Variants in PTPRT observed in about 807,000 individuals in gnomAD.
PTPRT encodes the protein protein tyrosine phosphatase receptor type T.
In PTPRT, 56 loss-of-function variants were observed where a neutral mutation model predicts 176.8. The observed-to-expected ratio is 0.32, with a 90% CI of 0.26 to 0.40. The LOEUF is 0.40. Ranked by LOEUF, PTPRT falls within the 10% of genes least tolerant of loss-of-function variation. The pLI is 1.00. For synonymous variants in PTPRT, 783 were observed against 739.0 expected (o/e 1.06, Z -0.96); for missense variants, 1,540 against 1,908.2 (o/e 0.81, Z 3.60).
At chr20:42,942,181 G>C (rs1275894471) in intron 1 of PTPRT, among the ~76,000 whole-genome samples, 3 of 152,142 alleles carry the variant, frequency 2.0e-5, no homozygotes, top group Non-Finnish European at 2.9e-5. Flanking sequence ...ATATCATGCA[G>C]TATCTGCAGA....
chr20:42,300,317 T>C (rs1600802842), intron 12 of PTPRT, among the ~76,000 whole-genome samples: 1 of 142,996 alleles, frequency 7.0e-6, no homozygotes, highest in East Asian at 2.1e-4. Context: ...GGTAGAGGGA[T>C]ACATAGACAA....
chr20:42,440,397 C>T (rs947344069), intron 9 of PTPRT, among the ~76,000 whole-genome samples: 1 of 152,020 alleles, frequency 6.6e-6, no homozygotes, highest in Non-Finnish European at 1.5e-5. Flanking sequence ...TTATTGAGTA[C>T]ATACTATGTG....
At chr20:42,211,938 C>A (rs373677199) in intron 15 of PTPRT, among the ~76,000 whole-genome samples, 5,523 of 149,168 alleles carry the variant, frequency 0.037, 323 homozygotes, top group African/African-American at 0.13. Context: ...AAAATGTGGC[C>A]CATATACACC....
chr20:42,396,893 C>T (rs2058856321), intron 9 of PTPRT, among the ~76,000 whole-genome samples: 1 of 152,208 alleles, frequency 6.6e-6, no homozygotes, highest in African/African-American at 2.4e-5. Context: ...CTGGAACAGC[C>T]TTCCTCCAGA....
intron 13 of PTPRT, among the ~76,000 whole-genome samples, chr20:42,269,132 T>G (rs912107655): frequency 1.3e-5 from 2 of 152,198 alleles, no homozygotes; most frequent in African/African-American, 4.8e-5. Context: ...ACATCCCCCC[T>G]TAGCTTTGTT....
intron 1 of PTPRT, among the ~76,000 whole-genome samples, chr20:42,999,947 A>G (rs1170525118): frequency 6.6e-6 from 1 of 151,994 alleles, no homozygotes; most frequent in Non-Finnish European, 1.5e-5. Context: ...ACTTCATCCC[A>G]CAATGAGATG....
At position 42,794,319 on chromosome 20, in the gene PTPRT, C is replaced by T. The variant is rs1042598824; in HGVS notation, c.215-2853G>A. On this transcript the variant is annotated intron_variant, in intron 2 of 30. Transcript: ENST00000373187. ...AGCTGCCTCCCTCTCACCCCCACAC[C>T]TCCATACTAAATGATCTTGCCTCTC... Among the ~76,000 whole-genome samples the T allele has an allele frequency of 3.9e-5, 6 of 152,278 alleles. No individual in the cohort carries two copies. The South Asian group carries it at 8.3e-4, about 21-fold the overall frequency.
chr20:42,248,313 C>T (rs981002922), intron 14 of PTPRT, among the ~76,000 whole-genome samples: 4 of 152,154 alleles, frequency 2.6e-5, no homozygotes, highest in Non-Finnish European at 5.9e-5. Flanking sequence ...CCTGCAACTG[C>T]GTTTCTGGAC....
Position 42,472,397 on chromosome 20 carries a change from A to C in PTPRT, c.1319T>G (p.Val440Gly), listed in dbSNP as rs755791453. The stretch of plus-strand genomic sequence containing the variant: ...GGTGTAGTGGGAGGAGGTCTGGATG[A>C]CCTCCTCGGCCTCGTACTGCTGCTG... ...FNQQQYEAEE[V>G]IQTSSHYTLR... The change falls in exon 8 of 31, where the codon GTC becomes GGC. Residue 440 changes from valine (V) to glycine (G), a missense_variant. Val to Gly is a moderately radical substitution (Grantham distance 109). Around this residue, in one of 11 missense-constraint regions of PTPRT, gnomAD observed 79 missense variants for 80.0 expected, o/e 0.99. Coordinates refer to ENST00000373187, the MANE Select transcript of PTPRT (RefSeq NM_007050.6). 1 of 1,614,002 alleles carries C rather than the reference A, an allele frequency of 6.2e-7. No individual in the cohort carries two copies. The highest frequency in any genetic ancestry group is 8.5e-7 in the Non-Finnish European group (1 of 1,179,996).
At chr20:42,472,919 G>A (rs2071224243) in intron 7 of PTPRT, among the ~76,000 whole-genome samples, 1 of 152,110 alleles carries the variant, frequency 6.6e-6, no homozygotes, top group Admixed American at 6.5e-5. Flanking sequence ...TCGCTTCTGG[G>A]ATACGCTTAT....
chr20:42,948,609 C>T (rs1479374374), intron 1 of PTPRT, among the ~76,000 whole-genome samples: 1 of 151,376 alleles, frequency 6.6e-6, no homozygotes, highest in Non-Finnish European at 1.5e-5. Context: ...GTTCAGCCAG[C>T]TCACACAAAA....
At chr20:42,615,593 C>A (rs1329826560) in intron 7 of PTPRT, among the ~76,000 whole-genome samples, 1 of 135,726 alleles carries the variant, frequency 7.4e-6, no homozygotes, top group African/African-American at 3.3e-5. Context: ...TCCTCTCCAG[C>A]ACCTGTTGTT....
chr20:43,115,853 G>A (rs1215314096), intron 1 of PTPRT, among the ~76,000 whole-genome samples: 2 of 152,186 alleles, frequency 1.3e-5, no homozygotes, highest in African/African-American at 2.4e-5. Flanking sequence ...TGCAAACCAG[G>A]AGCCTGAGGA....
At chr20:42,611,478 C>T (rs62203824) in intron 7 of PTPRT, among the ~76,000 whole-genome samples, 18,153 of 152,124 alleles carry the variant, frequency 0.12, 2,684 homozygotes, top group African/African-American at 0.35. Flanking sequence ...AGAGGTTGAG[C>T]CTGTCAAGGT....
In PTPRT at chr20:42,436,420, C is replaced by A. The variant is rs572120618; in HGVS notation, c.1560+11800G>T. 4.6e-5 allele frequency among the ~76,000 whole-genome samples: 7 copies of A among 152,158 alleles called. No homozygotes were observed. In the South Asian group the frequency reaches 1.2e-3, roughly 27 times the overall value. ...GTAGGCAAAAGACATGAACAGATAT[C>A]CCACAGAAAATGAAATACAATATTC... On this transcript the variant is annotated intron_variant, in intron 9 of 30. Transcript: ENST00000373187.
intron 7 of PTPRT, among the ~76,000 whole-genome samples, chr20:42,534,252 A>G (rs2072435856): frequency 6.6e-6 from 1 of 152,206 alleles, no homozygotes; most frequent in Admixed American, 6.5e-5. Flanking sequence ...AACAGTGAGA[A>G]CGCTTTTGAA....
At chr20:42,089,516 G>A (rs1430257853) in intron 27 of PTPRT, among the ~76,000 whole-genome samples, 4 of 152,158 alleles carry the variant, frequency 2.6e-5, no homozygotes, top group Admixed American at 6.5e-5. Context: ...AATTTCTCAA[G>A]CTGATAGATT....
At chr20:42,891,338 C>A (rs1416511986) in intron 1 of PTPRT, among the ~76,000 whole-genome samples, 1 of 152,146 alleles carries the variant, frequency 6.6e-6, no homozygotes, top group Non-Finnish European at 1.5e-5. Flanking sequence ...AGCCACTGGC[C>A]AAGGACCCAG....
chr20:42,915,800 T>C (rs1173673730), intron 1 of PTPRT, among the ~76,000 whole-genome samples: 1 of 151,856 alleles, frequency 6.6e-6, no homozygotes, highest in South Asian at 2.1e-4. Flanking sequence ...GGTTTTGCCA[T>C]GTTGCCCAGG....
Sources: allele counts gnomAD v4.1 joint callset (sites outside exome capture counted in the v4.1 genomes callset), GRCh38; gene constraint gnomAD v4.1.1; regional missense constraint gnomAD v4.1.1; transcripts MANE v1.5; gene names NCBI Gene and HGNC (gene_info 2026-07-23, HGNC 2026-07-21).